The following ADARB1 variants were observed in gnomAD, a reference collection of about 807,000 sequenced individuals.
ADARB1 encodes double-stranded RNA-specific editase 1.
ADARB1 carries 10 observed loss-of-function variants against 52.4 expected under a neutral mutation model. The ratio of observed to expected loss-of-function variants is 0.19; its 90% CI spans 0.12 to 0.32. The LOEUF (loss-of-function observed/expected upper bound fraction) is 0.32. Among genes scored for constraint, ADARB1 ranks in the 10% least tolerant of loss-of-function variants. The pLI is 1.00. For synonymous variants in ADARB1, 349 were observed against 371.1 expected, an observed-to-expected ratio of 0.94 and a Z score of 0.68; for missense variants, 643 against 922.3, an observed-to-expected ratio of 0.70 and a Z score of 3.92.
rs902034978 is a variant in ADARB1, at chr21:45,099,945, C to G, written c.-220+25152C>G. Among the ~76,000 whole-genome samples the G allele has an allele frequency of 3.9e-5, 6 of 152,126 alleles. No individual in the cohort carries two copies. In the East Asian group the frequency reaches 9.6e-4, roughly 24 times the overall value. ...GCTACTCAAGGCTTAGTCTCAGTTT[C>G]TATCTAAAGATATTTATATGGGAAG... On this transcript the variant is annotated intron_variant, in intron 1 of 10. Coordinates refer to ENST00000348831, the MANE Select transcript of ADARB1 (RefSeq NM_001112.4).
intron 1 of ADARB1, among the ~76,000 whole-genome samples, chr21:45,111,386 A>G (rs1470306260): frequency 6.6e-6 from 1 of 152,114 alleles, no homozygotes; most frequent in African/African-American, 2.4e-5. Flanking sequence ...CTGCCCCCAC[A>G]CAGGCACAGC....
At chr21:45,104,666 C>G (rs1056132745) in intron 1 of ADARB1, among the ~76,000 whole-genome samples, 4 of 152,228 alleles carry the variant, frequency 2.6e-5, no homozygotes, top group African/African-American at 9.6e-5. Context: ...TTGCTGGGCC[C>G]CTGTGAAGGG....
Position 45,185,100 on chromosome 21 carries a change from CG to C in ADARB1, c.1565+14del, listed in dbSNP as rs1569136988. On this transcript the variant is annotated intron_variant, in intron 8 of 10. Coordinates refer to ENST00000348831, the MANE Select transcript of ADARB1 (RefSeq NM_001112.4). ...AGTGACAAGATTGCACGGTAAGGGG[CG>C]GGGGCTCCCTGTGGCCACCTCCCTG... 1 of 1,612,182 alleles carries C rather than the reference CG, an allele frequency of 6.2e-7. No homozygotes were observed. The highest frequency in any genetic ancestry group is 2.2e-5 in the East Asian group (1 of 44,840).
chr21:45,212,583 T>G (rs1021468512), intron 9 of ADARB1, among the ~76,000 whole-genome samples: 2 of 152,112 alleles, frequency 1.3e-5, no homozygotes, highest in African/African-American at 4.8e-5. Context: ...CAGCCCTGTG[T>G]GTGGTTAGGG....
rs370335315 is a variant in ADARB1, at chr21:45,182,634, A to G, written c.1128A>G (p.Lys376=). 6.2e-7 allele frequency: 1 copy of G among 1,607,408 alleles called. No homozygotes were observed. The highest frequency in any genetic ancestry group is 8.5e-7 in the Non-Finnish European group (1 of 1,178,350). The change falls in exon 6 of 11, where the codon AAA becomes AAG. Residue 376 remains lysine (K), a synonymous_variant. Transcript: ENST00000348831. ...AKVISVSTGT[K]CINGEYMSDR... is the part of the protein sequence containing the mutation. ...TGATAAGTGTTTCTACAGGAACAAA[A>G]TGTATTAATGGTGAATACATGAGTG...
chr21:45,215,720 ATTC>A (rs2092849982), intron 9 of ADARB1, among the ~76,000 whole-genome samples: 2 of 152,204 alleles, frequency 1.3e-5, no homozygotes, highest in African/African-American at 4.8e-5. Flanking sequence ...ATTATGTGCT[ATTC>A]TTTTTATATA....
intron 1 of ADARB1, among the ~76,000 whole-genome samples, chr21:45,123,039 G>A (rs1050572297): frequency 1.3e-5 from 2 of 152,092 alleles, no homozygotes; most frequent in Admixed American, 1.3e-4. Context: ...TATAAAATCA[G>A]TTGTCATTGC....
At chr21:45,212,566 G>A (rs532394863) in intron 9 of ADARB1, among the ~76,000 whole-genome samples, 1 of 152,218 alleles carries the variant, frequency 6.6e-6, no homozygotes, top group Non-Finnish European at 1.5e-5. Context: ...CTGTGATGAG[G>A]CCAGCCCAGC....
chr21:45,098,462 C>T (rs1269894552), intron 1 of ADARB1, among the ~76,000 whole-genome samples: 6 of 152,218 alleles, frequency 3.9e-5, no homozygotes, highest in Non-Finnish European at 7.3e-5. Flanking sequence ...TGCCCCAGCT[C>T]ATTATATGAC....
chr21:45,139,890 T>A (rs960942825), intron 2 of ADARB1, among the ~76,000 whole-genome samples: 8 of 151,712 alleles, frequency 5.3e-5, no homozygotes, highest in African/African-American at 1.5e-4. Flanking sequence ...TTGATTTTTT[T>A]AAAATTGGAT....
rs377458378 is a variant in ADARB1 at position 45,176,394 on chromosome 21, G to A, written c.693G>A (p.Pro231=). 14 of 1,614,010 alleles carry A rather than the reference G, an allele frequency of 8.7e-6. No individual in the cohort carries two copies. Among genetic ancestry groups the A allele is most frequent in the African/African-American group, 4.0e-5 (3 of 74,888 alleles). The change falls in exon 4 of 11, where the codon CCG becomes CCA. Residue 231 remains proline (P), a synonymous_variant. Coordinates refer to ENST00000348831, the MANE Select transcript of ADARB1 (RefSeq NM_001112.4). This position sits in a 1 kb window ranked among gnomAD's most constrained non-coding sequence, Gnocchi z 5.8. ...CTGTCTTACCACCATTCCCACCCCC[G>A]AGTGGGAAGAATCCCGTGATGATCT... ...PLPVLPPFPP[P]SGKNPVMILN...
chr21:45,162,232 C>A (rs550312947), intron 2 of ADARB1, among the ~76,000 whole-genome samples: 2 of 152,178 alleles, frequency 1.3e-5, no homozygotes. Context: ...AGCTTCTGGG[C>A]ACTACCGTAT....
Position 45,200,953 on chromosome 21 carries a change from A to G in ADARB1, c.1566-3602A>G, listed in dbSNP as rs1029096522. ...TGTTCCTAAAGAAATGGCACAAGGAAAATGAAAGACGAAGAAGGCCAGGCA... is the reference window on the plus strand; with the variant it reads ...TGTTCCTAAAGAAATGGCACAAGGAGAATGAAAGACGAAGAAGGCCAGGCA... On this transcript the variant is annotated intron_variant, in intron 8 of 10. Transcript: ENST00000348831. This position sits in a 1 kb window ranked among gnomAD's most constrained non-coding sequence, Gnocchi z 5.0. Among the ~76,000 whole-genome samples, 3 of 152,230 alleles carry G rather than the reference A, an allele frequency of 2.0e-5. No individual in the cohort carries two copies. Among genetic ancestry groups the G allele is most frequent in the Non-Finnish European group, 4.4e-5 (3 of 68,036 alleles).
At position 45,222,434 on chromosome 21, in the gene ADARB1, C is replaced by T; in HGVS notation, c.*237C>T. 1 of 1,286,574 alleles carries T rather than the reference C, an allele frequency of 7.8e-7. No homozygotes were observed. Among genetic ancestry groups the T allele is most frequent in the South Asian group, 2.8e-5 (1 of 35,272 alleles). 79.7% of individuals were successfully genotyped at this position (1,286,574 alleles called of 1,614,324 possible). A position where few individuals can be genotyped will look rare whatever the true frequency, so the allele number is the denominator to read the frequency against. ...AGCATCGCCGCCTGGCATCTCTCTG[C>T]CGCAGCATTTCCCCTTCTGAACCGT... On this transcript the variant is annotated 3_prime_UTR_variant, in exon 11 of 11. Transcript: ENST00000348831.
intron 8 of ADARB1, among the ~76,000 whole-genome samples, chr21:45,201,802 G>A (rs2092559401): frequency 6.6e-6 from 1 of 151,778 alleles, no homozygotes; most frequent in Non-Finnish European, 1.5e-5. Flanking sequence ...TGGGCGGCAG[G>A]GAAGGGAGAC....
chr21:45,100,993 C>G (rs2086980060), intron 1 of ADARB1: 1 of 152,806 alleles, frequency 6.5e-6, no homozygotes, highest in African/African-American at 2.4e-5. Context: ...TCTGCACCGG[C>G]AGGAGCAGGA....
chr21:45,220,784 C>T lies in ADARB1; in HGVS notation c.1748-52C>T. On this transcript the variant is annotated intron_variant, in intron 9 of 10. Transcript: ENST00000348831. The surrounding 1 kb of genome is among the most constrained non-coding windows in gnomAD (Gnocchi z 6.3). ...AGTGTGCCGCCCGTGGCTGCTCCCTCCCTGGGGGTGAAAGCGGGCTTCACA... is the reference window on the plus strand; with the variant it reads ...AGTGTGCCGCCCGTGGCTGCTCCCTTCCTGGGGGTGAAAGCGGGCTTCACA... 2 of 1,594,224 alleles carry T rather than the reference C, an allele frequency of 1.3e-6. No individual in the cohort carries two copies. The highest frequency in any genetic ancestry group is 1.7e-6 in the Non-Finnish European group (2 of 1,166,958).
chr21:45,215,400 A>G (rs1384101219), intron 9 of ADARB1, among the ~76,000 whole-genome samples: 1 of 150,782 alleles, frequency 6.6e-6, no homozygotes, highest in Non-Finnish European at 1.5e-5. Context: ...TTTTTTTTCT[A>G]TTTATAGCTT....
chr21:45,113,501 G>GTGTGTGTGTGTATATA (rs1569020572), intron 1 of ADARB1, among the ~76,000 whole-genome samples: 33 of 133,460 alleles, frequency 2.5e-4, no homozygotes, highest in Admixed American at 1.0e-3. Context: ...GTATATATGT[G>GTGTGTGTGTGTATATA]TGTGTGTGTG....
Sources: gnomAD v4.1 joint callset for allele counts (sites outside exome capture counted in the v4.1 genomes callset) on GRCh38, gnomAD v4.1.1 for gene constraint, Gnocchi (gnomAD v3.1) non-coding constraint, MANE v1.5 for transcripts, NCBI Gene and HGNC (gene_info 2026-07-23, HGNC 2026-07-21) for gene names.